Variants in ATP11A observed in about 807,000 individuals in gnomAD.
The protein encoded by ATP11A is ATPase phospholipid transporting 11A, also known as phospholipid-transporting ATPase IH.
Under a neutral mutation model 154.4 loss-of-function variants are expected in ATP11A, and 81 were observed. The observed-to-expected ratio is 0.52, with a 90% CI of 0.44 to 0.63. The LOEUF is 0.63. Among genes scored for constraint, ATP11A ranks in the 30% least tolerant of loss-of-function variants. The pLI is 0.00. For missense variants in ATP11A, 1,316 were observed against 1,474.3 expected, an observed-to-expected ratio of 0.89 and a Z score of 1.76; for synonymous variants, 623 against 585.9, an observed-to-expected ratio of 1.06 and a Z score of -0.91.
intron 29 of ATP11A, 131 bp downstream of exon 29, chr13:112,878,434 G>A (rs148593542): frequency 1.0e-4 from 93 of 908,164 alleles, no homozygotes; most frequent in East Asian, 1.0e-3. Context: ...GCAGCCTCAC[G>A]TCGGGAAGTC....
chr13:112,768,676 G>T (rs1380980317), intron 1 of ATP11A, among the ~76,000 whole-genome samples: 1 of 152,230 alleles, frequency 6.6e-6, no homozygotes, highest in Admixed American at 6.5e-5. Context: ...TGTGAATTGG[G>T]ATATGCTTGC....
intron 1 of ATP11A, among the ~76,000 whole-genome samples, chr13:112,765,093 A>G (rs1379971708): frequency 6.6e-6 from 1 of 152,086 alleles, no homozygotes; most frequent in Non-Finnish European, 1.5e-5. Flanking sequence ...TTTCAGTGAG[A>G]TGGGGTGAGT....
At chr13:112,817,907 C>G (rs1180742908) in intron 6 of ATP11A, among the ~76,000 whole-genome samples, 1 of 152,232 alleles carries the variant, frequency 6.6e-6, no homozygotes, top group Non-Finnish European at 1.5e-5. Context: ...CACCCGACCT[C>G]TGTTTGGATC....
intron 1 of ATP11A, among the ~76,000 whole-genome samples, chr13:112,766,457 C>T (rs932423942): frequency 1.3e-5 from 2 of 152,162 alleles, no homozygotes; most frequent in African/African-American, 4.8e-5. Flanking sequence ...TCCTGGGACC[C>T]TCTCTTTCCC....
In ATP11A at chr13:112,875,886, TCCTC is replaced by T. The variant is rs1040156754; in HGVS notation, c.3273_3276del (p.Leu1092ArgfsTer40). The T allele has an allele frequency of 3.1e-6, 5 of 1,613,578 alleles. No individual in the cohort carries two copies. The highest frequency in any genetic ancestry group is 4.2e-6 in the Non-Finnish European group (5 of 1,180,016). ...GTGACCATCAGCCTCCTTCCCGACG[TCCTC>T]AAGAAAGTCCTGTGCCGGCAGCTGT... On this transcript the variant is annotated frameshift_variant, in exon 28 of 30. Transcript: ENST00000375645. The surrounding 1 kb of genome is among the most constrained non-coding windows in gnomAD (Gnocchi z 4.1).
At chr13:112,779,034 AGG>A (rs1461689024) in intron 1 of ATP11A, among the ~76,000 whole-genome samples, 2 of 130,808 alleles carry the variant, frequency 1.5e-5, no homozygotes, top group Admixed American at 1.5e-4. Context: ...CGCTGGAGTG[AGG>A]AGTAGCCGCT....
Position 112,810,671 on chromosome 13 carries a change from C to T in ATP11A, c.386C>T (p.Pro129Leu). The T allele has an allele frequency of 6.2e-7, 1 of 1,614,148 alleles. No homozygotes were observed. The highest frequency in any genetic ancestry group is 2.2e-5 in the East Asian group (1 of 44,886). The change falls in exon 5 of 30, where the codon CCT becomes CTT. Residue 129 changes from proline (P) to leucine (L), a missense_variant. By Grantham distance (98) the Pro-to-Leu change is moderately conservative (BLOSUM62 -3). Around this residue, in one of 5 missense-constraint regions of ATP11A, gnomAD observed 876 missense variants for 1,006.8 expected, o/e 0.87. Coordinates refer to ENST00000375645, the MANE Select transcript of ATP11A (RefSeq NM_015205.3). ...HKADNAMNQC[P>L]VHFIQHGKLV... ...GCAGACAATGCCATGAACCAGTGTCCTGTTCATTTCATTCAGCACGGCAAG... is the reference window on the plus strand; with the variant it reads ...GCAGACAATGCCATGAACCAGTGTCTTGTTCATTTCATTCAGCACGGCAAG...
chr13:112,867,003 T>C (rs2080355111), intron 25 of ATP11A, among the ~76,000 whole-genome samples: 1 of 152,230 alleles, frequency 6.6e-6, no homozygotes, highest in East Asian at 1.9e-4. Context: ...TTGATTCTTT[T>C]GTATCTTTTA....
In ATP11A at chr13:112,875,976, C is replaced by T. The variant is rs759274741; in HGVS notation, c.3327+35C>T. ...GTCCCCAGCCGGGGCGGGGGTGCCT[C>T]AGGGCCCTGGCCTTAGGATTGGGAG... On this transcript the variant is annotated intron_variant, in intron 28 of 29. Coordinates refer to ENST00000375645, the MANE Select transcript of ATP11A (RefSeq NM_015205.3). This position sits in a 1 kb window ranked among gnomAD's most constrained non-coding sequence, Gnocchi z 4.1. The T allele has an allele frequency of 1.9e-6, 3 of 1,591,640 alleles. No individual in the cohort carries two copies. The highest frequency in any genetic ancestry group is 2.2e-5 in the South Asian group (2 of 90,220).
chr13:112,851,056 G>A lies in ATP11A; in HGVS notation c.1829G>A (p.Cys610Tyr). The A allele has an allele frequency of 6.2e-7, 1 of 1,614,126 alleles. No homozygotes were observed. Among genetic ancestry groups the A allele is most frequent in the Non-Finnish European group, 8.5e-7 (1 of 1,179,962 alleles). Residue 610 changes from cysteine to tyrosine, a missense_variant, in exon 18 of 30, where the codon TGT becomes TAT. Around this residue, in one of 5 missense-constraint regions of ATP11A, gnomAD observed 876 missense variants for 1,006.8 expected, o/e 0.87. Transcript: ENST00000375645. ...RNAVEGLRTLCVAYKRLIQEE... is the reference protein window; with the variant it reads ...RNAVEGLRTLYVAYKRLIQEE... ...CTGCAGGAGGGGCTCCGAACTTTGT[G>A]TGTTGCTTATAAAAGGCTGATCCAA...
In ATP11A at chr13:112,728,531, C is replaced by T. The variant is rs1446565861; in HGVS notation, c.39+38076C>T. The stretch of plus-strand genomic sequence containing the variant: ...ATCAGTATCCACGCGTGGAGGGGGC[C>T]GTGAGACTGTGTGGCCCGCCTCCCT... On this transcript the variant is annotated intron_variant, in intron 1 of 29. Transcript: ENST00000375645. Among the ~76,000 whole-genome samples the T allele has an allele frequency of 5.5e-5, 8 of 146,702 alleles. No homozygotes were observed. The South Asian group carries it at 1.3e-3, about 24-fold the overall frequency.
chr13:112,805,192 G>GAGAC, intron 3 of ATP11A, 146 bp downstream of exon 3: 1 of 513,164 alleles, frequency 1.9e-6, no homozygotes, highest in South Asian at 4.3e-5. Context: ...TCTTAAGGAA[G>GAGAC]GGCAAAATGT....
chr13:112,780,014 TG>T (rs2077459705), intron 1 of ATP11A, among the ~76,000 whole-genome samples: 1 of 152,108 alleles, frequency 6.6e-6, no homozygotes, highest in Admixed American at 6.6e-5. Context: ...AGAGCAAGTT[TG>T]ATGGTGGTAG....
rs189625570 is a variant in ATP11A at position 112,787,779 on chromosome 13, G to A, written c.162+2522G>A. On this transcript the variant is annotated intron_variant, in intron 2 of 29. Transcript: ENST00000375645. Reference sequence around the variant, plus strand: ...TGTGGAGACCTACTTAATTCACACCGGTGTCCTGACGTGTAAACCCCTGTG... The same window carrying A: ...TGTGGAGACCTACTTAATTCACACCAGTGTCCTGACGTGTAAACCCCTGTG... Among the ~76,000 whole-genome samples the A allele has an allele frequency of 8.8e-4, 79 of 89,870 alleles. 1 individual carries two copies. In the East Asian group the frequency reaches 0.02, roughly 23 times the overall value. 59.0% of individuals were successfully genotyped at this position (89,870 alleles called of 152,430 possible). A position where few individuals can be genotyped will look rare whatever the true frequency, so the allele number is the denominator to read the frequency against.
At chr13:112,824,293 G>A in intron 9 of ATP11A, 51 bp from the exon 10 acceptor site, 1 of 1,423,894 alleles carries the variant, frequency 7.0e-7, no homozygotes, top group Non-Finnish European at 9.9e-7. Flanking sequence ...CTCACCATAA[G>A]GCAAGACACA....
chr13:112,744,812 A>G (rs778260988), intron 1 of ATP11A, among the ~76,000 whole-genome samples: 3 of 152,142 alleles, frequency 2.0e-5, no homozygotes, highest in Non-Finnish European at 4.4e-5. Flanking sequence ...CTCCAGTTCA[A>G]ATTCCTTCCC....
Position 112,864,401 on chromosome 13 carries a change from C to T in ATP11A, c.2991+1826C>T, listed in dbSNP as rs116090131. 1.4e-3 allele frequency among the ~76,000 whole-genome samples: 136 copies of T among 98,420 alleles called. 22 individuals are homozygous for T. The highest frequency in any genetic ancestry group is 3.4e-3 in the East Asian group (9 of 2,642). 64.6% of individuals were successfully genotyped at this position (98,420 alleles called of 152,430 possible). A position where few individuals can be genotyped will look rare whatever the true frequency, so the allele number is the denominator to read the frequency against. On this transcript the variant is annotated intron_variant, in intron 25 of 29. Coordinates refer to ENST00000375645, the MANE Select transcript of ATP11A (RefSeq NM_015205.3). ...ACGTGCGCCATAATTCAGCGTAGCG[C>T]GTGCAGCTTCCCAGCGGGATCCATC...
intron 20 of ATP11A, chr13:112,856,762 C>T (rs1594191079): frequency 6.6e-6 from 1 of 152,368 alleles, no homozygotes; most frequent in Non-Finnish European, 1.5e-5. Flanking sequence ...AGGCCAATTT[C>T]TCTTGAACTG....
chr13:112,854,897 G>A (rs2079878055), intron 19 of ATP11A, among the ~76,000 whole-genome samples: 1 of 152,238 alleles, frequency 6.6e-6, no homozygotes, highest in Admixed American at 6.5e-5. Context: ...TGGAGGAAGT[G>A]GAGATATTAA....
Sources: allele counts gnomAD v4.1 joint callset (sites outside exome capture counted in the v4.1 genomes callset), GRCh38; gene constraint gnomAD v4.1.1; regional missense constraint gnomAD v4.1.1; non-coding constraint Gnocchi (gnomAD v3.1); transcripts MANE v1.5; gene names NCBI Gene and HGNC (gene_info 2026-07-23, HGNC 2026-07-21).